Variants in PDGFRL observed in about 807,000 individuals in gnomAD.
PDGFRL encodes platelet derived growth factor receptor like, also known as platelet-derived growth factor receptor-like protein.
Under a neutral mutation model 37.2 loss-of-function variants are expected in PDGFRL, and 46 were observed. That is an observed-to-expected ratio of 1.24 (90% confidence interval 0.98 to 1.58). PDGFRL has a LOEUF of 1.58. Ranked by LOEUF, PDGFRL falls within the 40% of genes most tolerant of loss-of-function variation. PDGFRL has a pLI of 0.00. For missense variants in PDGFRL, 692 were observed against 467.6 expected (o/e 1.48, Z -4.43); for synonymous variants, 251 against 184.3 (o/e 1.36, Z -2.93).
intron 2 of PDGFRL, among the ~76,000 whole-genome samples, chr8:17,594,298 T>TGG (rs1804005341): frequency 6.6e-6 from 1 of 151,924 alleles, no homozygotes; most frequent in South Asian, 2.1e-4. Context: ...TGGAGTGCAG[T>TGG]GGGGGGATCT....
intron 3 of PDGFRL, among the ~76,000 whole-genome samples, chr8:17,625,048 G>A (rs1804705525): frequency 6.6e-6 from 1 of 151,708 alleles, no homozygotes; most frequent in Non-Finnish European, 1.5e-5. Context: ...GTGCAGGTTA[G>A]TTACATATGT....
intron 2 of PDGFRL, among the ~76,000 whole-genome samples, chr8:17,606,597 G>A (rs1201082869): frequency 6.6e-6 from 1 of 152,194 alleles, no homozygotes; most frequent in Middle Eastern, 3.2e-3. Flanking sequence ...TATTTCCCCA[G>A]AGATGGGTGG....
At chr8:17,615,731 G>A (rs1426728802) in intron 2 of PDGFRL, among the ~76,000 whole-genome samples, 1 of 152,042 alleles carries the variant, frequency 6.6e-6, no homozygotes, top group Non-Finnish European at 1.5e-5. Flanking sequence ...CCTGGGCGAC[G>A]CAGCAAGACC....
chr8:17,577,943 T>C (rs1048076269), intron 1 of PDGFRL, among the ~76,000 whole-genome samples: 4 of 151,924 alleles, frequency 2.6e-5, no homozygotes, highest in South Asian at 4.2e-4. Flanking sequence ...ATGCATTTTT[T>C]TGGTACAGCT....
intron 2 of PDGFRL, among the ~76,000 whole-genome samples, chr8:17,597,475 TGAA>T (rs1804078565): frequency 6.6e-6 from 1 of 152,136 alleles, no homozygotes; most frequent in Non-Finnish European, 1.5e-5. Flanking sequence ...GAGCAATTAA[TGAA>T]GAAGAAGGAG....
chr8:17,607,093 C>A (rs2588122), intron 2 of PDGFRL, among the ~76,000 whole-genome samples: 6 of 151,802 alleles, frequency 4.0e-5, no homozygotes, highest in Admixed American at 2.0e-4. Flanking sequence ...ATGGGGTTTC[C>A]TCATGTTGGC....
intron 2 of PDGFRL, among the ~76,000 whole-genome samples, chr8:17,612,040 C>G (rs1344691251): frequency 6.6e-6 from 1 of 152,088 alleles, no homozygotes; most frequent in Non-Finnish European, 1.5e-5. Flanking sequence ...GGCAGGGGAG[C>G]AGAATGGCTA....
rs1803603528 is a variant in PDGFRL, at chr8:17,577,224, C to T, written c.-29C>T. On this transcript the variant is annotated 5_prime_UTR_variant, in exon 1 of 6. Coordinates refer to ENST00000251630, the MANE Select transcript of PDGFRL (RefSeq NM_001372073.1). ...CCCCGCCCCGCGCAGCCGCCGCGCT[C>T]CTGCGCTCCGAGGTCCGAGGTTCCC... 2 of 1,607,692 alleles carry T rather than the reference C, an allele frequency of 1.2e-6. No individual in the cohort carries two copies. The highest frequency in any genetic ancestry group is 1.7e-6 in the Non-Finnish European group (2 of 1,177,256).
intron 5 of PDGFRL, among the ~76,000 whole-genome samples, chr8:17,640,969 G>A (rs111696044): frequency 0.074 from 11,192 of 151,952 alleles, 560 homozygotes; most frequent in African/African-American, 0.13. Context: ...TGGGACTGGC[G>A]GTGTGGTTCT....
At chr8:17,608,931 A>C (rs1804344712) in intron 2 of PDGFRL, among the ~76,000 whole-genome samples, 1 of 152,200 alleles carries the variant, frequency 6.6e-6, no homozygotes, top group African/African-American at 2.4e-5. Flanking sequence ...AGCAGAGCCA[A>C]GGAGGGGCCA....
chr8:17,625,218 C>G (rs1046721427), intron 3 of PDGFRL, among the ~76,000 whole-genome samples: 1 of 141,858 alleles, frequency 7.0e-6, no homozygotes, highest in Admixed American at 7.6e-5. Flanking sequence ...GTGGCACCAT[C>G]TCAGCTCACT....
At chr8:17,601,543 T>A (rs1162622264) in intron 2 of PDGFRL, among the ~76,000 whole-genome samples, 1 of 152,130 alleles carries the variant, frequency 6.6e-6, no homozygotes, top group Non-Finnish European at 1.5e-5. Context: ...TCACGAGGGT[T>A]TGGTGTAGAT....
At chr8:17,600,140 A>G (rs564764362) in intron 2 of PDGFRL, among the ~76,000 whole-genome samples, 40 of 152,034 alleles carry the variant, frequency 2.6e-4, no homozygotes, top group Non-Finnish European at 3.7e-4. Flanking sequence ...TCATTCTTCA[A>G]TAACTCTACC....
At chr8:17,634,292 C>G in intron 5 of PDGFRL, 79 bp downstream of exon 5, 1 of 1,169,430 alleles carries the variant, frequency 8.6e-7, no homozygotes, top group Non-Finnish European at 1.2e-6. Context: ...ACAGCTTCGT[C>G]CCCACCCAGT....
intron 1 of PDGFRL, among the ~76,000 whole-genome samples, chr8:17,588,384 T>C (rs1004528783): frequency 1.3e-5 from 2 of 152,078 alleles, no homozygotes; most frequent in Admixed American, 6.6e-5. Flanking sequence ...TTCACTGTGG[T>C]TCAAAATCTT....
At chr8:17,583,554 G>A (rs1803752691) in intron 1 of PDGFRL, among the ~76,000 whole-genome samples, 1 of 152,146 alleles carries the variant, frequency 6.6e-6, no homozygotes, top group African/African-American at 2.4e-5. Context: ...AAAGACATGA[G>A]TTTTGGGGGG....
Position 17,611,806 on chromosome 8 carries a change from G to A in PDGFRL, c.354-9245G>A, listed in dbSNP as rs534473369. Among the ~76,000 whole-genome samples the A allele has an allele frequency of 4.6e-5, 7 of 152,308 alleles. No individual in the cohort carries two copies. The South Asian group carries it at 1.4e-3, about 32-fold the overall frequency. On this transcript the variant is annotated intron_variant, in intron 2 of 5. Coordinates refer to ENST00000251630, the MANE Select transcript of PDGFRL (RefSeq NM_001372073.1). ...GATACGTGATGAAAGGCATCTGAAG[G>A]GGATGGGGGAGACATTTCTCCAGAA... is the stretch of plus-strand genomic sequence containing the variant.
chr8:17,604,289 T>C (rs1419183540), intron 2 of PDGFRL, among the ~76,000 whole-genome samples: 2 of 152,186 alleles, frequency 1.3e-5, no homozygotes, highest in Non-Finnish European at 2.9e-5. Context: ...TGCACACGTA[T>C]GTTTATAGCG....
At chr8:17,623,896 C>T (rs1804683549) in intron 3 of PDGFRL, among the ~76,000 whole-genome samples, 1 of 147,702 alleles carries the variant, frequency 6.8e-6, no homozygotes, top group Non-Finnish European at 1.5e-5. Context: ...TACGGGCTCT[C>T]TTTGAGTTTT....
Sources: allele counts gnomAD v4.1 joint callset (sites outside exome capture counted in the v4.1 genomes callset), GRCh38; gene constraint gnomAD v4.1.1; transcripts MANE v1.5; gene names NCBI Gene and HGNC (gene_info 2026-07-23, HGNC 2026-07-21).